CCPG1: variants seen among roughly 807,000 people sequenced by gnomAD.
CCPG1 encodes the protein cell cycle progression protein 1.
CCPG1 carries 46 observed loss-of-function variants against 81.3 expected under a neutral mutation model. The observed-to-expected ratio is 0.57, with a 90% CI of 0.45 to 0.72. The LOEUF (loss-of-function observed/expected upper bound fraction) is 0.72. CCPG1 is among the 30% of genes least tolerant of loss of function. The pLI is 0.00. For missense variants in CCPG1, 902 were observed against 937.6 expected (o/e 0.96, Z 0.50); for synonymous variants, 330 against 305.2 (o/e 1.08, Z -0.85).
chr15:55,397,320 T>G (rs998631872), intron 1 of CCPG1, among the ~76,000 whole-genome samples: 1 of 151,698 alleles, frequency 6.6e-6, no homozygotes, highest in Non-Finnish European at 1.5e-5. Flanking sequence ...TTAAAAAGCG[T>G]TTTAGCTTTA....
chr15:55,362,291 G>C (rs2056218061), intron 7 of CCPG1, among the ~76,000 whole-genome samples: 3 of 148,454 alleles, frequency 2.0e-5, no homozygotes, highest in South Asian at 2.1e-4. Context: ...TACCCCATTT[G>C]AGTCAGAGCA....
rs1372331579 is a variant in CCPG1, at chr15:55,360,558, A to T, written c.1215T>A (p.Gly405=). ...ALRGELQQLS[G]SQLHGKSDSP... ...AATCTGACTTGCCATGTAACTGACT[A>T]CCACTTAACTGCTGGAGTTCCCCCC... Residue 405 remains glycine, a synonymous_variant, in exon 8 of 9, where the codon GGT becomes GGA. Coordinates refer to ENST00000442196, the MANE Select transcript of CCPG1 (RefSeq NM_001204450.2). The T allele has an allele frequency of 6.2e-7, 1 of 1,613,928 alleles. No homozygotes were observed. Among genetic ancestry groups the T allele is most frequent in the Non-Finnish European group, 8.5e-7 (1 of 1,180,016 alleles).
intron 1 of CCPG1, among the ~76,000 whole-genome samples, chr15:55,404,083 C>G (rs1186960265): frequency 6.6e-6 from 1 of 151,916 alleles, no homozygotes; most frequent in African/African-American, 2.4e-5. Flanking sequence ...AGACCCAAAG[C>G]CTAATAACAT....
chr15:55,395,366 A>C (rs1049492761), intron 1 of CCPG1, among the ~76,000 whole-genome samples: 2 of 152,036 alleles, frequency 1.3e-5, no homozygotes, highest in African/African-American at 4.8e-5. Flanking sequence ...GGCAGTTTGA[A>C]CCTCCCCATT....
chr15:55,387,067 T>G (rs2056814995), intron 2 of CCPG1, among the ~76,000 whole-genome samples: 1 of 152,044 alleles, frequency 6.6e-6, no homozygotes. Context: ...AGAATGGCAG[T>G]AATGGGAGAG....
intron 3 of CCPG1, among the ~76,000 whole-genome samples, chr15:55,381,115 C>T (rs2056682731): frequency 6.6e-6 from 1 of 151,442 alleles, no homozygotes; most frequent in Non-Finnish European, 1.5e-5. Flanking sequence ...CCAGCCTGGG[C>T]AACAGAGCAA....
intron 6 of CCPG1, among the ~76,000 whole-genome samples, 168 bp downstream of exon 6, chr15:55,371,625 T>C (rs2056450910): frequency 6.6e-6 from 1 of 152,198 alleles, no homozygotes; most frequent in Admixed American, 6.5e-5. Flanking sequence ...CTTTGTGAGA[T>C]AGGCAGCACC....
chr15:55,405,920 A>G (rs566668247), intron 1 of CCPG1, among the ~76,000 whole-genome samples: 2 of 152,312 alleles, frequency 1.3e-5, no homozygotes, highest in South Asian at 2.1e-4. Context: ...GCTAGAGTAC[A>G]GTGGCATGAT....
intron 1 of CCPG1, among the ~76,000 whole-genome samples, chr15:55,404,518 C>T (rs2057180585): frequency 6.6e-6 from 1 of 152,118 alleles, no homozygotes; most frequent in African/African-American, 2.4e-5. Flanking sequence ...ACATATAAAA[C>T]ATGGTTCTGA....
chr15:55,398,964 C>A (rs1038680464), intron 1 of CCPG1, among the ~76,000 whole-genome samples: 2 of 152,164 alleles, frequency 1.3e-5, no homozygotes, highest in East Asian at 3.8e-4. Flanking sequence ...GAACATGAAA[C>A]TGCATTCATT....
intron 1 of CCPG1, among the ~76,000 whole-genome samples, chr15:55,401,722 C>G (rs2057133891): frequency 6.6e-6 from 1 of 151,468 alleles, no homozygotes. Context: ...ATGAAAGAGA[C>G]TGCAGGTTAC....
At chr15:55,388,629 G>A (rs1015407658) in intron 2 of CCPG1, among the ~76,000 whole-genome samples, 4 of 152,158 alleles carry the variant, frequency 2.6e-5, no homozygotes, top group South Asian at 2.1e-4. Flanking sequence ...ACAGGGTATG[G>A]TGGCATATGC....
chr15:55,401,462 T>C (rs1595868541), intron 1 of CCPG1, among the ~76,000 whole-genome samples: 1 of 151,144 alleles, frequency 6.6e-6, no homozygotes, highest in African/African-American at 2.4e-5. Context: ...AGGTCAGGAG[T>C]TCAAGACTAG....
At chr15:55,382,945 T>A (rs766840497) in intron 3 of CCPG1, among the ~76,000 whole-genome samples, 8 of 152,212 alleles carry the variant, frequency 5.3e-5, no homozygotes, top group Non-Finnish European at 7.3e-5. Flanking sequence ...GTTGATATTT[T>A]GACCTTTTCC....
At chr15:55,382,540 C>T (rs1312982520) in intron 3 of CCPG1, among the ~76,000 whole-genome samples, 1 of 147,982 alleles carries the variant, frequency 6.8e-6, no homozygotes, top group Non-Finnish European at 1.5e-5. Context: ...GACAGAGTCT[C>T]GCTCTGTTGC....
At chr15:55,373,000 AAT>A (rs747172385) in intron 5 of CCPG1, 2 of 534,744 alleles carry the variant, frequency 3.7e-6, no homozygotes, top group Admixed American at 3.9e-5. Flanking sequence ...CCCTCTAGTA[AAT>A]ATGTCAGCAT....
intron 3 of CCPG1, among the ~76,000 whole-genome samples, chr15:55,380,473 T>C (rs944677970): frequency 6.6e-6 from 1 of 151,364 alleles, no homozygotes; most frequent in Admixed American, 6.6e-5. Flanking sequence ...TTTTTTGTAT[T>C]TTTAGTACAG....
At chr15:55,393,186 G>A (rs2056955719) in intron 1 of CCPG1, among the ~76,000 whole-genome samples, 1 of 152,168 alleles carries the variant, frequency 6.6e-6, no homozygotes, top group South Asian at 2.1e-4. Context: ...ACCTGTAACA[G>A]CACTTTCGGA....
At chr15:55,356,638 ACACT>A in intron 8 of CCPG1, 1 of 1,228,030 alleles carries the variant, frequency 8.1e-7, no homozygotes. Flanking sequence ...AAAAAGGGAA[ACACT>A]CAAAAGATAA....
Sources: gnomAD v4.1 joint callset for allele counts (sites outside exome capture counted in the v4.1 genomes callset) on GRCh38, gnomAD v4.1.1 for gene constraint, MANE v1.5 for transcripts, NCBI Gene and HGNC (gene_info 2026-07-23, HGNC 2026-07-21) for gene names.